Variants in SH3BGRL observed in about 807,000 individuals in gnomAD.
SH3BGRL encodes SH3 domain binding glutamate rich protein like, also known as adapter SH3BGRL.
Under a neutral mutation model 9.8 loss-of-function variants are expected in SH3BGRL, and 7 were observed. The observed-to-expected ratio is 0.72, with a 90% confidence interval of 0.41 to 1.35. SH3BGRL has a LOEUF of 1.35. SH3BGRL is among the 40% of genes most tolerant of loss of function. The pLI is 0.01. For synonymous variants in SH3BGRL, 36 were observed against 29.1 expected (o/e 1.24, Z -0.76); for missense variants, 73 against 84.4 (o/e 0.86, Z 0.53).
At chrX:81,208,526 G>C (rs2075554212) in intron 1 of SH3BGRL, among the ~76,000 whole-genome samples, 2 of 112,000 alleles carry the variant, frequency 1.8e-5, no homozygotes, top group South Asian at 7.3e-4. Flanking sequence ...AATTATCAAG[G>C]TTGAATTTTG....
intron 1 of SH3BGRL, among the ~76,000 whole-genome samples, chrX:81,249,190 C>G (rs1462655528): frequency 8.9e-6 from 1 of 112,438 alleles, no homozygotes. Flanking sequence ...GAACAAGTGT[C>G]AAGAAAAGTC....
chrX:81,287,657 T>G (rs984380412), intron 3 of SH3BGRL, among the ~76,000 whole-genome samples: 5 of 109,054 alleles, frequency 4.6e-5, no homozygotes, highest in African/African-American at 1.7e-4. Flanking sequence ...TGTCTGTGGG[T>G]GGGGGAGTAG....
Position 81,273,896 on chromosome X carries a change from G to A in SH3BGRL, c.46-3088G>A, listed in dbSNP as rs182009807. Among the ~76,000 whole-genome samples the A allele has an allele frequency of 5.4e-5, 6 of 111,381 alleles. No individual in the cohort carries two copies. In the East Asian group the frequency reaches 1.1e-3, roughly 21 times the overall value. On this transcript the variant is annotated intron_variant, in intron 1 of 3. Transcript: ENST00000373212. ...TTACTCCAGGAAACAATTGTTTAATGTACCTGCTCTGTGTCTTTGGAGAGA... is the reference window on the plus strand; with the variant it reads ...TTACTCCAGGAAACAATTGTTTAATATACCTGCTCTGTGTCTTTGGAGAGA...
intron 1 of SH3BGRL, among the ~76,000 whole-genome samples, chrX:81,243,391 G>T (rs2075677585): frequency 8.9e-6 from 1 of 111,976 alleles, no homozygotes; most frequent in Admixed American, 9.5e-5. Flanking sequence ...AGATTGGAAA[G>T]GGTAGCGAGG....
At chrX:81,203,721 T>C (rs1417798635) in intron 1 of SH3BGRL, among the ~76,000 whole-genome samples, 1 of 111,790 alleles carries the variant, frequency 8.9e-6, no homozygotes, top group African/African-American at 3.3e-5. Context: ...CTTTGCTTTC[T>C]CCTTCCTCTA....
At chrX:81,269,227 A>G (rs2075768517) in intron 1 of SH3BGRL, among the ~76,000 whole-genome samples, 1 of 111,445 alleles carries the variant, frequency 9.0e-6, no homozygotes, top group Non-Finnish European at 1.9e-5. Context: ...TTTAAGGTTA[A>G]TATTGTTATG....
chrX:81,253,262 A>G (rs2075716245), intron 1 of SH3BGRL, among the ~76,000 whole-genome samples: 1 of 112,561 alleles, frequency 8.9e-6, no homozygotes, highest in African/African-American at 3.2e-5. Context: ...CCCACTTAAC[A>G]AGAGAGTGAT....
intron 1 of SH3BGRL, among the ~76,000 whole-genome samples, chrX:81,271,589 G>A (rs1278648454): frequency 9.0e-6 from 1 of 111,322 alleles, no homozygotes; most frequent in African/African-American, 3.3e-5. Flanking sequence ...AGAAATATAG[G>A]ACTATGTGAA....
intron 1 of SH3BGRL, among the ~76,000 whole-genome samples, chrX:81,223,234 C>T (rs1475755176): frequency 4.5e-5 from 5 of 111,725 alleles, no homozygotes; most frequent in African/African-American, 6.5e-5. Context: ...TTGTTTTAGT[C>T]ATGAAGTCCT....
At chrX:81,270,492 G>C (rs923145197) in intron 1 of SH3BGRL, among the ~76,000 whole-genome samples, 2 of 112,200 alleles carry the variant, frequency 1.8e-5, no homozygotes, top group East Asian at 5.7e-4. Context: ...CTCAGCTGCA[G>C]GTCTGTTGGC....
chrX:81,234,776 C>T (rs886179277), intron 1 of SH3BGRL, among the ~76,000 whole-genome samples: 4 of 111,912 alleles, frequency 3.6e-5, no homozygotes, highest in Non-Finnish European at 7.5e-5. Context: ...GTTTTAATAT[C>T]TGAAAGGGTT....
intron 3 of SH3BGRL, among the ~76,000 whole-genome samples, chrX:81,296,334 T>C (rs192632434): frequency 8.9e-6 from 1 of 112,051 alleles, no homozygotes; most frequent in East Asian, 2.8e-4. Context: ...CCAAACCATA[T>C]CAATGAGTCA....
intron 1 of SH3BGRL, among the ~76,000 whole-genome samples, chrX:81,207,924 G>A (rs993221451): frequency 1.8e-5 from 2 of 111,699 alleles, no homozygotes; most frequent in Non-Finnish European, 1.9e-5. Flanking sequence ...AATGTTACAT[G>A]GTTGTAGGGA....
intron 1 of SH3BGRL, 62 bp from the exon 2 acceptor site, chrX:81,276,922 G>C (rs2075799998): frequency 1.0e-6 from 1 of 983,815 alleles, no homozygotes; most frequent in Admixed American, 2.8e-5. Context: ...ATTTCTGCCA[G>C]CTCACAAACA....
At chrX:81,253,158 T>C (rs2075715912) in intron 1 of SH3BGRL, among the ~76,000 whole-genome samples, 1 of 111,937 alleles carries the variant, frequency 8.9e-6, no homozygotes, top group Non-Finnish European at 1.9e-5. Context: ...GGTTTACTTT[T>C]CGTCTTTTGG....
At chrX:81,230,771 C>T (rs889593280) in intron 1 of SH3BGRL, among the ~76,000 whole-genome samples, 9 of 111,442 alleles carry the variant, frequency 8.1e-5, no homozygotes, top group African/African-American at 2.9e-4. Context: ...ATAACATTCC[C>T]GAGTTCTTTC....
chrX:81,297,379 A>G lies in SH3BGRL; in HGVS notation c.*152A>G. On this transcript the variant is annotated 3_prime_UTR_variant, in exon 4 of 4. Transcript: ENST00000373212. The stretch of plus-strand genomic sequence containing the variant: ...CATGCAAACATTCAAAATGAATACA[A>G]AATTAAAATTTGAACATTATGGTGA... 2.2e-6 allele frequency: 1 copy of G among 448,190 alleles called. No individual in the cohort carries two copies. Among genetic ancestry groups the G allele is most frequent in the Non-Finnish European group, 3.8e-6 (1 of 261,728 alleles). The allele number at this position is 448,190 out of a possible 1,213,427, so 36.9% of individuals were successfully genotyped here.
intron 1 of SH3BGRL, among the ~76,000 whole-genome samples, chrX:81,237,963 G>T (rs972045835): frequency 1.9e-5 from 2 of 108,061 alleles, no homozygotes; most frequent in Non-Finnish European, 1.9e-5. Context: ...CCTAGCTCCC[G>T]GATGACATTT....
In SH3BGRL at chrX:81,202,415, A is replaced by ATTT. The variant is rs35063255; in HGVS notation, c.45+181_45+183dup. 168 of 823,224 alleles carry ATTT rather than the reference A, an allele frequency of 2.0e-4. No homozygotes were observed. The East Asian group carries it at 5.5e-3, about 27-fold the overall frequency. 67.8% of individuals were successfully genotyped at this position (823,224 alleles called of 1,213,427 possible). On this transcript the variant is annotated intron_variant, in intron 1 of 3. Transcript: ENST00000373212. ...TTTTTCCCTTTGTTGCATCGATTTC[A>ATTT]TTTTTTTTTTTTTCCACATAGAGTT...
Sources: gnomAD v4.1 joint callset for allele counts (sites outside exome capture counted in the v4.1 genomes callset) on GRCh38, gnomAD v4.1.1 for gene constraint, MANE v1.5 for transcripts, NCBI Gene and HGNC (gene_info 2026-07-23, HGNC 2026-07-21) for gene names.